ZNF280D: variants seen among roughly 807,000 people sequenced by gnomAD.
ZNF280D encodes the protein suppressor of hairy wing homolog 4.
A neutral mutation model predicts 94.7 loss-of-function variants in ZNF280D; 39 were observed. The observed-to-expected ratio is 0.41, with a 90% confidence interval of 0.32 to 0.54. The LOEUF is 0.54. Ranked by LOEUF, ZNF280D falls within the 20% of genes least tolerant of loss-of-function variation. ZNF280D has a pLI of 0.22. For missense variants in ZNF280D, 1,090 were observed against 1,149.3 expected, an observed-to-expected ratio of 0.95 and a Z score of 0.75; for synonymous variants, 398 against 377.6, an observed-to-expected ratio of 1.05 and a Z score of -0.63.
At chr15:56,699,432 C>T (rs943132592) in intron 6 of ZNF280D, 88 of 805,394 alleles carry the variant, frequency 1.1e-4, no homozygotes, top group Non-Finnish European at 1.3e-4. Context: ...CATCACTATA[C>T]ACATGTTCAT....
intron 21 of ZNF280D, 133 bp from the exon 22 acceptor site, chr15:56,632,255 TC>T: frequency 1.2e-6 from 1 of 826,902 alleles, no homozygotes; most frequent in South Asian, 2.2e-5. Context: ...CAGTCCAAGT[TC>T]CCAATCCTCG....
At chr15:56,732,489 G>A (rs958857033) in intron 1 of ZNF280D, 1 of 152,146 alleles carries the variant, frequency 6.6e-6, no homozygotes, top group Non-Finnish European at 1.5e-5. Flanking sequence ...ATGCTAAGAG[G>A]CAGCTTTTGT....
chr15:56,646,561 C>T (rs1333023182), intron 19 of ZNF280D, among the ~76,000 whole-genome samples: 4 of 152,158 alleles, frequency 2.6e-5, no homozygotes, highest in African/African-American at 4.8e-5. Context: ...TCTACCATTT[C>T]TGATCATTTG....
chr15:56,688,170 T>C (rs1168226388), intron 9 of ZNF280D, among the ~76,000 whole-genome samples: 1 of 152,100 alleles, frequency 6.6e-6, no homozygotes, highest in African/African-American at 2.4e-5. Flanking sequence ...ACTTCACTAG[T>C]ACTTTGAACA....
rs530842976 is a variant in ZNF280D, at chr15:56,632,224, T to C, written c.2316-102A>G. The C allele has an allele frequency of 4.1e-5, 47 of 1,144,490 alleles. No homozygotes were observed. The African/African-American group carries it at 6.3e-4, about 15-fold the overall frequency. The allele number at this position is 1,144,490 out of a possible 1,614,324, so 70.9% of individuals were successfully genotyped here. A position where few individuals can be genotyped will look rare whatever the true frequency, so the allele number is the denominator to read the frequency against. ...CTAAAAAATAAAAAGTCAAGGTACA[T>C]TTGCCCACCAAAAAGGAAAACAGTC... On this transcript the variant is annotated intron_variant, in intron 21 of 21. Transcript: ENST00000267807.
chr15:56,717,144 G>A (rs1265646638), intron 1 of ZNF280D, among the ~76,000 whole-genome samples: 1 of 152,122 alleles, frequency 6.6e-6, no homozygotes, highest in African/African-American at 2.4e-5. Flanking sequence ...TACATCACAT[G>A]CTCTCCCTGG....
intron 1 of ZNF280D, among the ~76,000 whole-genome samples, chr15:56,710,113 C>T (rs1032986216): frequency 1.3e-5 from 2 of 152,144 alleles, no homozygotes; most frequent in Non-Finnish European, 2.9e-5. Flanking sequence ...TTTAAGACAG[C>T]CCGAAAAGGA....
At chr15:56,720,983 G>GGGGC (rs1196977253) in intron 1 of ZNF280D, among the ~76,000 whole-genome samples, 2 of 105,744 alleles carry the variant, frequency 1.9e-5, no homozygotes, top group African/African-American at 3.2e-5. Context: ...GGGGGGGGGG[G>GGGGC]ACAGAGTCTC....
At chr15:56,645,996 T>C (rs1449597494) in intron 19 of ZNF280D, among the ~76,000 whole-genome samples, 2 of 152,194 alleles carry the variant, frequency 1.3e-5, no homozygotes, top group Non-Finnish European at 2.9e-5. Flanking sequence ...ATTCTTTCTT[T>C]CTGATGACAT....
At chr15:56,694,557 C>T (rs771847278) in intron 6 of ZNF280D, among the ~76,000 whole-genome samples, 10 of 151,986 alleles carry the variant, frequency 6.6e-5, no homozygotes, top group Admixed American at 2.6e-4. Flanking sequence ...ACAACATATA[C>T]GAAATACCTT....
chr15:56,700,896 A>G (rs757433544), intron 6 of ZNF280D, 37 bp downstream of exon 6: 8 of 1,613,614 alleles, frequency 5.0e-6, no homozygotes, highest in Middle Eastern at 3.3e-4. Flanking sequence ...CATCCAATGG[A>G]TCCCTGAGCT....
chr15:56,653,856 GAT>G, intron 19 of ZNF280D: 1 of 1,240,340 alleles, frequency 8.1e-7, no homozygotes. Context: ...AATATGTTAA[GAT>G]ATGTCAACCT....
intron 21 of ZNF280D, chr15:56,634,018 A>C (rs769017278): frequency 7.2e-5 from 11 of 152,066 alleles, no homozygotes; most frequent in African/African-American, 9.7e-5. Context: ...TTCTCTCTCT[A>C]TATATAGATA....
At chr15:56,636,487 T>A (rs1283448513) in intron 20 of ZNF280D, among the ~76,000 whole-genome samples, 1 of 145,884 alleles carries the variant, frequency 6.9e-6, no homozygotes, top group African/African-American at 2.5e-5. Context: ...TCCTTCCTAT[T>A]TTTTTTTTTT....
At chr15:56,688,286 A>G (rs1205385020) in intron 9 of ZNF280D, among the ~76,000 whole-genome samples, 1 of 151,902 alleles carries the variant, frequency 6.6e-6, no homozygotes, top group African/African-American at 2.4e-5. Flanking sequence ...AGGTCAGGAG[A>G]TCGAGACCAT....
chr15:56,700,916 G>GT lies in ZNF280D; in HGVS notation c.381+16dup. 1.2e-6 allele frequency: 2 copies of GT among 1,613,798 alleles called. No homozygotes were observed. Among genetic ancestry groups the GT allele is most frequent in the Non-Finnish European group, 1.7e-6 (2 of 1,179,810 alleles). ...AATGGATCCCTGAGCTGGCCGTATA[G>GT]TTTTAGAAACACTTACAGGTTTAGA... On this transcript the variant is annotated intron_variant, in intron 6 of 21. Coordinates refer to ENST00000267807, the MANE Select transcript of ZNF280D (RefSeq NM_017661.4).
At chr15:56,648,284 T>C (rs1379873604) in intron 19 of ZNF280D, among the ~76,000 whole-genome samples, 3 of 152,084 alleles carry the variant, frequency 2.0e-5, no homozygotes, top group Non-Finnish European at 2.9e-5. Flanking sequence ...AAATGTTATA[T>C]TGCCCAAACA....
At chr15:56,666,613 TTAAC>T in intron 15 of ZNF280D, 62 bp downstream of exon 15, 1 of 1,515,624 alleles carries the variant, frequency 6.6e-7, no homozygotes, top group Non-Finnish European at 8.8e-7. Flanking sequence ...TAATGTTCTC[TTAAC>T]TAAAGTATAA....
intron 19 of ZNF280D, among the ~76,000 whole-genome samples, chr15:56,651,167 G>A (rs1195676288): frequency 6.6e-6 from 1 of 152,146 alleles, no homozygotes; most frequent in African/African-American, 2.4e-5. Context: ...GATGCCCAAA[G>A]AGGCAAAGTG....
Sources: gnomAD v4.1 joint callset for allele counts (sites outside exome capture counted in the v4.1 genomes callset) on GRCh38, gnomAD v4.1.1 for gene constraint, MANE v1.5 for transcripts, NCBI Gene and HGNC (gene_info 2026-07-23, HGNC 2026-07-21) for gene names.